The following RERE variants were observed in gnomAD, a reference collection of about 807,000 sequenced individuals.
RERE encodes the protein arginine-glutamic acid dipeptide repeats, also known as arginine-glutamic acid dipeptide repeats protein.
In RERE, 40 loss-of-function variants were observed where a neutral mutation model predicts 146.1. That is an observed-to-expected ratio of 0.27 (90% CI 0.21 to 0.36). RERE has a LOEUF of 0.36. RERE is among the 10% of genes least tolerant of loss of function. RERE has a pLI of 1.00. For synonymous variants in RERE, 1,003 were observed against 866.0 expected (o/e 1.16, Z -2.78); for missense variants, 1,933 against 2,138.7 (o/e 0.90, Z 1.90).
chr1:8,710,541 C>T (rs1639645050), intron 1 of RERE, among the ~76,000 whole-genome samples: 4 of 152,294 alleles, frequency 2.6e-5, no homozygotes, highest in African/African-American at 2.4e-5. Flanking sequence ...TTTTTTGAGA[C>T]GGAGTCTCGC....
intron 7 of RERE, among the ~76,000 whole-genome samples, chr1:8,510,285 A>C (rs1016412817): frequency 6.6e-6 from 1 of 152,182 alleles, no homozygotes; most frequent in African/African-American, 2.4e-5. Flanking sequence ...AGGCGGCTTC[A>C]AGAGAAGACA....
intron 1 of RERE, among the ~76,000 whole-genome samples, chr1:8,775,658 T>C (rs1641050009): frequency 6.6e-6 from 1 of 152,168 alleles, no homozygotes; most frequent in African/African-American, 2.4e-5. Flanking sequence ...GCACCTAATA[T>C]TAAATACACA....
At chr1:8,454,070 G>C (rs1176834419) in intron 11 of RERE, among the ~76,000 whole-genome samples, 1 of 152,210 alleles carries the variant, frequency 6.6e-6, no homozygotes, top group African/African-American at 2.4e-5. Flanking sequence ...GAAGAGCACA[G>C]AGCATGGCTG....
intron 7 of RERE, among the ~76,000 whole-genome samples, 155 bp downstream of exon 7, chr1:8,541,059 A>C (rs12136689): frequency 0.26 from 39,231 of 152,048 alleles, 5,790 homozygotes; most frequent in Non-Finnish European, 0.34. Flanking sequence ...AACTCCTCCC[A>C]AAGAAGTTTA....
intron 2 of RERE, among the ~76,000 whole-genome samples, chr1:8,638,078 T>C (rs977523532): frequency 3.9e-5 from 6 of 152,250 alleles, no homozygotes; most frequent in African/African-American, 1.4e-4. Flanking sequence ...TAGCATTCTA[T>C]ATACCTGTTC....
rs565601691 is a variant in RERE, at chr1:8,544,585, T to C, written c.726-3267A>G. Among the ~76,000 whole-genome samples, 5 of 152,258 alleles carry C rather than the reference T, an allele frequency of 3.3e-5. No individual in the cohort carries two copies. The East Asian group carries it at 7.7e-4, about 23-fold the overall frequency. On this transcript the variant is annotated intron_variant, in intron 6 of 22. Coordinates refer to ENST00000400908, the MANE Select transcript of RERE (RefSeq NM_001042681.2). Reference sequence around the variant, plus strand: ...CTTTAGAAGAGGAAAAAATAATTTATAGTGAGAGAAACCTGAACAGTTGGT... The same window carrying C: ...CTTTAGAAGAGGAAAAAATAATTTACAGTGAGAGAAACCTGAACAGTTGGT...
At chr1:8,745,810 C>T (rs565702574) in intron 1 of RERE, among the ~76,000 whole-genome samples, 4 of 152,276 alleles carry the variant, frequency 2.6e-5, no homozygotes, top group African/African-American at 7.2e-5. Context: ...TGGCTCACAC[C>T]GGTAATACTA....
At chr1:8,476,686 A>C (rs1030745418) in intron 10 of RERE, among the ~76,000 whole-genome samples, 1 of 152,234 alleles carries the variant, frequency 6.6e-6, no homozygotes, top group African/African-American at 2.4e-5. Flanking sequence ...ATGCTTTATG[A>C]ACAGCAACAA....
chr1:8,697,187 C>CA (rs909691285), intron 1 of RERE, among the ~76,000 whole-genome samples: 53 of 152,050 alleles, frequency 3.5e-4, no homozygotes, highest in African/African-American at 1.3e-3. Flanking sequence ...GGTAAATAGC[C>CA]AAAAAACATA....
chr1:8,506,839 A>T (rs1169658538), intron 8 of RERE, among the ~76,000 whole-genome samples: 1 of 152,248 alleles, frequency 6.6e-6, no homozygotes, highest in Non-Finnish European at 1.5e-5. Context: ...ATGTGCACTG[A>T]GAAAGGATAA....
chr1:8,717,049 AGTATG>A (rs1237410424), intron 1 of RERE, among the ~76,000 whole-genome samples: 3 of 152,252 alleles, frequency 2.0e-5, no homozygotes, highest in Non-Finnish European at 4.4e-5. Context: ...CTATAATTTT[AGTATG>A]TATAAATGAG....
rs756254639 is a variant in RERE, at chr1:8,573,424, A to AAT, written c.523-15903_523-15902dup. 3.9e-5 allele frequency among the ~76,000 whole-genome samples: 6 copies of AAT among 152,132 alleles called. No individual in the cohort carries two copies. The East Asian group carries it at 9.7e-4, about 25-fold the overall frequency. On this transcript the variant is annotated intron_variant, in intron 4 of 22. Transcript: ENST00000400908. The stretch of plus-strand genomic sequence containing the variant: ...CACTAGACTCTTTGAGTTCTTCTAT[A>AAT]ATATGCTTTGTTCTTTCAGCATTAC...
chr1:8,498,766 CACAT>C (rs1645086157), intron 8 of RERE, among the ~76,000 whole-genome samples: 1 of 149,278 alleles, frequency 6.7e-6, no homozygotes, highest in African/African-American at 2.5e-5. Context: ...CACACACACA[CACAT>C]ATGTAGTTGA....
chr1:8,522,368 G>C (rs1645513025), intron 7 of RERE, among the ~76,000 whole-genome samples: 1 of 152,156 alleles, frequency 6.6e-6, no homozygotes, highest in Non-Finnish European at 1.5e-5. Context: ...CAAACAAAAA[G>C]TACCTGGCAA....
intron 1 of RERE, among the ~76,000 whole-genome samples, chr1:8,737,394 A>G (rs1182136945): frequency 2.6e-5 from 4 of 152,230 alleles, no homozygotes; most frequent in South Asian, 2.1e-4. Context: ...TTTCCCTCCA[A>G]AAGAATCAAA....
At chr1:8,565,410 T>C (rs1646141586) in intron 4 of RERE, among the ~76,000 whole-genome samples, 1 of 152,156 alleles carries the variant, frequency 6.6e-6, no homozygotes, top group Non-Finnish European at 1.5e-5. Context: ...CTATTTAACA[T>C]AAGACTCTAA....
rs60346942 is a variant in RERE, at chr1:8,605,845, C to CTTTTTTTTTTTTTTTT, written c.522+8700_522+8715dup. Among the ~76,000 whole-genome samples, 51 of 93,218 alleles carry CTTTTTTTTTTTTTTTT rather than the reference C, an allele frequency of 5.5e-4. 5 individuals carry two copies. The highest frequency in any genetic ancestry group is 2.1e-3 in the African/African-American group (50 of 23,338). The allele number at this position is 93,218 out of a possible 152,430, so 61.2% of individuals were successfully genotyped here. ...ACAAATTTAAGTGTTAAATACCAAA[C>CTTTTTTTTTTTTTTTT]TTTTTTTTTTTTTTTTTGAGACAGC... On this transcript the variant is annotated intron_variant, in intron 4 of 22. Transcript: ENST00000400908.
At chr1:8,660,844 A>T (rs1638439552) in intron 1 of RERE, among the ~76,000 whole-genome samples, 1 of 152,262 alleles carries the variant, frequency 6.6e-6, no homozygotes, top group African/African-American at 2.4e-5. Flanking sequence ...TAAGAAAAGG[A>T]AGAAAATCTA....
chr1:8,646,913 G>C (rs1307844592), intron 2 of RERE, among the ~76,000 whole-genome samples: 1 of 152,176 alleles, frequency 6.6e-6, no homozygotes, highest in Non-Finnish European at 1.5e-5. Flanking sequence ...GTGAGCCAAG[G>C]AGTTCAAGAT....
Sources: gnomAD v4.1 joint callset for allele counts (sites outside exome capture counted in the v4.1 genomes callset) on GRCh38, gnomAD v4.1.1 for gene constraint, MANE v1.5 for transcripts, NCBI Gene and HGNC (gene_info 2026-07-23, HGNC 2026-07-21) for gene names.